The following WARS2 variants were observed in gnomAD, a reference collection of about 807,000 sequenced individuals.
WARS2 encodes the protein tryptophanyl tRNA synthetase 2, mitochondrial, also known as tryptophan--tRNA ligase, mitochondrial.
A neutral mutation model predicts 36.5 loss-of-function variants in WARS2; 28 were observed. That is an observed-to-expected ratio of 0.77 (90% CI 0.57 to 1.05). The LOEUF (loss-of-function observed/expected upper bound fraction) is 1.05. WARS2 is among the 50% of genes least tolerant of loss of function. The pLI, the probability that WARS2 is intolerant of heterozygous loss-of-function variation, is 0.00. For synonymous variants in WARS2, 174 were observed against 178.4 expected (o/e 0.98, Z 0.20); for missense variants, 435 against 456.8 (o/e 0.95, Z 0.44).
At chr1:119,140,460 TA>T in intron 1 of WARS2, 94 bp downstream of exon 1, 1 of 1,185,512 alleles carries the variant, frequency 8.4e-7, no homozygotes, top group Non-Finnish European at 1.2e-6. Context: ...GTACTTTCCC[TA>T]AGAAGCGGGA....
chr1:119,083,376 C>T (rs1000523600), intron 1 of WARS2, among the ~76,000 whole-genome samples: 8 of 152,216 alleles, frequency 5.3e-5, no homozygotes, highest in African/African-American at 1.9e-4. Flanking sequence ...GAGCGGCCCT[C>T]ACCACACACC....
chr1:119,059,674 A>G (rs542284015), intron 2 of WARS2, among the ~76,000 whole-genome samples: 2 of 152,354 alleles, frequency 1.3e-5, no homozygotes, highest in East Asian at 3.9e-4. Context: ...GGCCTTATAC[A>G]TTTCAGATTC....
At chr1:119,080,391 G>A (rs1282314497) in intron 1 of WARS2, among the ~76,000 whole-genome samples, 1 of 152,160 alleles carries the variant, frequency 6.6e-6, no homozygotes, top group Non-Finnish European at 1.5e-5. Context: ...CACCAGAGAA[G>A]AGACTGTGGG....
At chr1:119,090,458 GC>G (rs1191208871) in intron 1 of WARS2, among the ~76,000 whole-genome samples, 1 of 152,190 alleles carries the variant, frequency 6.6e-6, no homozygotes, top group East Asian at 1.9e-4. Flanking sequence ...AAGGAAGACA[GC>G]CTACATACCT....
chr1:119,118,250 G>A (rs180687599), intron 1 of WARS2, among the ~76,000 whole-genome samples: 94 of 151,844 alleles, frequency 6.2e-4, no homozygotes, highest in Middle Eastern at 3.4e-3. Flanking sequence ...CACAACTTCT[G>A]GAAATAAAAG....
rs1302694955 is a variant in WARS2 at position 119,031,482 on chromosome 1, A to C, written c.*1429T>G. 1 of 152,238 alleles carries C rather than the reference A, an allele frequency of 6.6e-6. No individual in the cohort carries two copies. The highest frequency in any genetic ancestry group is 2.4e-5 in the African/African-American group (1 of 41,468). 9.4% of individuals were successfully genotyped at this position (152,238 alleles called of 1,614,324 possible). On this transcript the variant is annotated 3_prime_UTR_variant, in exon 6 of 6. Transcript: ENST00000235521. ...TTTGTGGATTAACATGTGTTCTGAC[A>C]CAAGGACTACTCTACTTCCTTAAGA... is the stretch of plus-strand genomic sequence containing the variant.
intron 1 of WARS2, among the ~76,000 whole-genome samples, chr1:119,135,403 A>G (rs751994791): frequency 2.6e-5 from 4 of 152,216 alleles, no homozygotes; most frequent in Admixed American, 6.5e-5. Flanking sequence ...TCTGTTTTAT[A>G]TAACAGGGAT....
intron 1 of WARS2, among the ~76,000 whole-genome samples, chr1:119,097,517 C>A (rs1384210213): frequency 6.6e-6 from 1 of 152,198 alleles, no homozygotes; most frequent in East Asian, 1.9e-4. Flanking sequence ...CTTGACCTAA[C>A]AAATTTCAAT....
chr1:119,137,228 T>C lies in WARS2; in HGVS notation c.90+3327A>G, dbSNP rs76268471. Among the ~76,000 whole-genome samples the C allele has an allele frequency of 8.1e-3, 1,236 of 152,334 alleles. 13 individuals carry two copies. The highest frequency in any genetic ancestry group is 0.028 in the African/African-American group (1,148 of 41,570). On this transcript the variant is annotated intron_variant, in intron 1 of 5. Coordinates refer to ENST00000235521, the MANE Select transcript of WARS2 (RefSeq NM_015836.4). ...TCAAGACAAAGCTTGGTGAAGGGTA[T>C]ACAGAAATTCTCTGTACTAATTTTG...
rs587610202 is a variant in WARS2, at chr1:119,085,302, C to T, written c.91-8695G>A. On this transcript the variant is annotated intron_variant, in intron 1 of 5. Transcript: ENST00000235521. ...GGCAGTCCTGGCCTTGGGGAGCTTC[C>T]GCCCCTCCCTGGGCACTGACTTCTG... 48 of 1,151,066 alleles carry T rather than the reference C, an allele frequency of 4.2e-5. No individual in the cohort carries two copies. The African/African-American group carries it at 4.5e-4, about 11-fold the overall frequency. The allele number at this position is 1,151,066 out of a possible 1,614,324, so 71.3% of individuals were successfully genotyped here. A position where few individuals can be genotyped will look rare whatever the true frequency, so the allele number is the denominator to read the frequency against.
chr1:119,097,795 A>G (rs1292298003), intron 1 of WARS2, among the ~76,000 whole-genome samples: 2 of 152,216 alleles, frequency 1.3e-5, no homozygotes, highest in Admixed American at 6.5e-5. Context: ...GTAGAAATGA[A>G]TACTACATGA....
rs141854286 is a variant in WARS2, at chr1:119,086,849, G to C, written c.91-10242C>G. 2.6e-5 allele frequency among the ~76,000 whole-genome samples: 4 copies of C among 152,046 alleles called. No homozygotes were observed. The South Asian group carries it at 8.3e-4, about 32-fold the overall frequency. On this transcript the variant is annotated intron_variant, in intron 1 of 5. Coordinates refer to ENST00000235521, the MANE Select transcript of WARS2 (RefSeq NM_015836.4). ...CAGTCATTCTCCAATCACACCACCT[G>C]GGGAACTCAGCTGACTACTTGCCTT...
At chr1:119,045,747 A>C in intron 2 of WARS2, 85 bp from the exon 3 acceptor site, 2 of 1,066,748 alleles carry the variant, frequency 1.9e-6, no homozygotes, top group South Asian at 1.4e-5. Flanking sequence ...ATTACCCTAA[A>C]TGTCTGAAAA....
intron 2 of WARS2, among the ~76,000 whole-genome samples, chr1:119,075,727 A>T (rs1651677409): frequency 6.6e-6 from 1 of 152,150 alleles, no homozygotes; most frequent in South Asian, 2.1e-4. Flanking sequence ...CCTTGTCTCT[A>T]GGCCAGACTA....
At chr1:119,070,065 A>G (rs1445570876) in intron 2 of WARS2, among the ~76,000 whole-genome samples, 1 of 152,188 alleles carries the variant, frequency 6.6e-6, no homozygotes, top group East Asian at 1.9e-4. Context: ...AGCTAATGAA[A>G]AAGTTCTATA....
intron 2 of WARS2, among the ~76,000 whole-genome samples, chr1:119,054,469 G>C (rs1649612331): frequency 6.6e-6 from 1 of 152,074 alleles, no homozygotes; most frequent in African/African-American, 2.4e-5. Flanking sequence ...GTAAAATGGT[G>C]CAGCTGCTAT....
intron 1 of WARS2, among the ~76,000 whole-genome samples, chr1:119,130,950 G>A (rs1194046581): frequency 2.0e-5 from 3 of 152,188 alleles, no homozygotes; most frequent in African/African-American, 7.2e-5. Flanking sequence ...TGCTGCACCT[G>A]TGGTATGGTG....
At chr1:119,033,818 A>G (rs1480093728) in intron 5 of WARS2, among the ~76,000 whole-genome samples, 1 of 152,218 alleles carries the variant, frequency 6.6e-6, no homozygotes, top group East Asian at 1.9e-4. Context: ...TAAATTATAT[A>G]CTACTTTATA....
rs1270114981 is a variant in WARS2, at chr1:119,122,113, G to A, written c.90+18442C>T. 5.9e-5 allele frequency among the ~76,000 whole-genome samples: 9 copies of A among 152,290 alleles called. No homozygotes were observed. In the East Asian group the frequency reaches 1.7e-3, roughly 29 times the overall value. ...CAGCAGAGTAAACAGACAACTCACA[G>A]TATGGAAGAAAATCTTCAGAATCTA... On this transcript the variant is annotated intron_variant, in intron 1 of 5. Transcript: ENST00000235521.
Sources: gnomAD v4.1 joint callset for allele counts (sites outside exome capture counted in the v4.1 genomes callset) on GRCh38, gnomAD v4.1.1 for gene constraint, MANE v1.5 for transcripts, NCBI Gene and HGNC (gene_info 2026-07-23, HGNC 2026-07-21) for gene names.